HAPLN2: variants seen among roughly 807,000 people sequenced by gnomAD.
The protein encoded by HAPLN2 is brain link protein-1.
Under a neutral mutation model 29.3 loss-of-function variants are expected in HAPLN2, and 27 were observed. The ratio of observed to expected loss-of-function variants is 0.92; its 90% CI spans 0.68 to 1.27. The LOEUF (loss-of-function observed/expected upper bound fraction) is 1.27, where lower values mean the gene tolerates loss of function less well. Ranked by LOEUF, HAPLN2 falls within the 50% of genes most tolerant of loss-of-function variation. HAPLN2 has a pLI of 0.00. For missense variants in HAPLN2, 454 were observed against 484.3 expected, an observed-to-expected ratio of 0.94 and a Z score of 0.59; for synonymous variants, 208 against 211.7, an observed-to-expected ratio of 0.98 and a Z score of 0.15.
Position 156,625,173 on chromosome 1 carries a change from TGGTG to T in HAPLN2, c.814_817del (p.Val272ProfsTer15), listed in dbSNP as rs1678407196. ...GCGGCGTGCCGGCGACGCGGCGCCG[TGGTG>T]GCCAAGGTTGGGCACCTCTACGCCG... On this transcript the variant is annotated frameshift_variant, in exon 7 of 7. Transcript: ENST00000255039. LOFTEE classifies it low-confidence loss of function (END_TRUNC). This position sits in a 1 kb window ranked among gnomAD's most constrained non-coding sequence, Gnocchi z 5.7. The T allele has an allele frequency of 6.5e-7, 1 of 1,546,596 alleles. No individual in the cohort carries two copies.
chr1:156,611,964 T>A, the HAPLN2 span, among the ~76,000 whole-genome samples: 1 of 152,238 alleles, frequency 6.6e-6, no homozygotes, highest in Non-Finnish European at 1.5e-5. Flanking sequence ...TTGCAGAAAT[T>A]GGAAGAAAAC....
At chr1:156,617,862 T>C (rs1196966518), upstream of HAPLN2, among the ~76,000 whole-genome samples, 1 of 152,110 alleles carries the variant, frequency 6.6e-6, no homozygotes, top group East Asian at 1.9e-4. Context: ...TTCGGCATTG[T>C]TGGAAATGTT....
Position 156,625,408 on chromosome 1 carries a change from G to A in HAPLN2, c.*24G>A. On this transcript the variant is annotated 3_prime_UTR_variant, in exon 7 of 7. Transcript: ENST00000255039. This position sits in a 1 kb window ranked among gnomAD's most constrained non-coding sequence, Gnocchi z 5.7. Reference sequence around the variant, plus strand: ...AGGCGCCCACCGTGTCCCCTCCAGCGCGCGCGAAGAAGCTTGGGAGTCGTG... The same window carrying A: ...AGGCGCCCACCGTGTCCCCTCCAGCACGCGCGAAGAAGCTTGGGAGTCGTG... The A allele has an allele frequency of 6.4e-7, 1 of 1,554,244 alleles. No homozygotes were observed. The highest frequency in any genetic ancestry group is 8.7e-7 in the Non-Finnish European group (1 of 1,150,046).
intron 2 of HAPLN2, among the ~76,000 whole-genome samples, chr1:156,622,303 AT>A (rs1460955647): frequency 6.6e-6 from 1 of 152,010 alleles, no homozygotes; most frequent in Non-Finnish European, 1.5e-5. Context: ...AAAGAAAAAA[AT>A]TTAGTGGGGT....
At position 156,625,509 on chromosome 1, in the gene HAPLN2, T is replaced by C; in HGVS notation, c.*125T>C. 1.0e-6 allele frequency: 1 copy of C among 982,338 alleles called. No individual in the cohort carries two copies. Among genetic ancestry groups the C allele is most frequent in the Non-Finnish European group, 1.4e-6 (1 of 717,260 alleles). 60.9% of individuals were successfully genotyped at this position (982,338 alleles called of 1,614,324 possible). A position where few individuals can be genotyped will look rare whatever the true frequency, so the allele number is the denominator to read the frequency against. ...CCGGAGCGGCCTCTCCAGACCTGCC[T>C]TCCCAGCCGGGGGCTGCGGGCCTCG... On this transcript the variant is annotated 3_prime_UTR_variant, in exon 7 of 7. Coordinates refer to ENST00000255039, the MANE Select transcript of HAPLN2 (RefSeq NM_021817.3). This position sits in a 1 kb window ranked among gnomAD's most constrained non-coding sequence, Gnocchi z 5.7.
the HAPLN2 span, among the ~76,000 whole-genome samples, chr1:156,610,880 T>C: frequency 6.6e-6 from 1 of 152,170 alleles, no homozygotes; most frequent in South Asian, 2.1e-4. Context: ...CCTTTGATAG[T>C]GGTTGAATTA....
chr1:156,625,260 T>C lies in HAPLN2; in HGVS notation c.899T>C (p.Val300Ala). Residue 300 changes from valine (V) to alanine (A), a missense_variant, in exon 7 of 7, where the codon GTG becomes GCG. Physicochemically the swap from Val to Ala is moderately conservative, Grantham distance 64. Around this residue, in one of 3 missense-constraint regions of HAPLN2, gnomAD observed 235 missense variants for 236.9 expected, o/e 0.99. Coordinates refer to ENST00000255039, the MANE Select transcript of HAPLN2 (RefSeq NM_021817.3). The surrounding 1 kb of genome is among the most constrained non-coding windows in gnomAD (Gnocchi z 5.7). ...CDGGWLADGS[V>A]RFPITTPRPR... ...GGCGGCTGGCTGGCTGACGGCAGTG[T>C]GCGCTTCCCAATCACCACGCCGAGG... 1 of 1,575,562 alleles carries C rather than the reference T, an allele frequency of 6.3e-7. No individual in the cohort carries two copies. Among genetic ancestry groups the C allele is most frequent in the East Asian group, 2.4e-5 (1 of 42,540 alleles).
chr1:156,607,047 A>G, the HAPLN2 span, among the ~76,000 whole-genome samples: 1 of 152,086 alleles, frequency 6.6e-6, no homozygotes, highest in Middle Eastern at 3.4e-3. Context: ...TTTCTCCCCC[A>G]CTGCAAAATC....
Position 156,625,300 on chromosome 1 carries a change from G to GCT in HAPLN2, c.941_942dup (p.Pro315SerfsTer100), listed in dbSNP as rs1678414031. 1 of 1,582,330 alleles carries GCT rather than the reference G, an allele frequency of 6.3e-7. No homozygotes were observed. Among genetic ancestry groups the GCT allele is most frequent in the Non-Finnish European group, 8.6e-7 (1 of 1,165,212 alleles). On this transcript the variant is annotated frameshift_variant, in exon 7 of 7. Transcript: ENST00000255039. LOFTEE classifies it low-confidence loss of function (END_TRUNC). This position sits in a 1 kb window ranked among gnomAD's most constrained non-coding sequence, Gnocchi z 5.7. Reference sequence around the variant, plus strand: ...CCACGCCGAGGCCGCGCTGCGGGGGGCTCCCGGATCCCGGAGTGCGCAGTT... The same window carrying GCT: ...CCACGCCGAGGCCGCGCTGCGGGGGGCTCTCCCGGATCCCGGAGTGCGCAGTT...
At chr1:156,601,531 C>A in the HAPLN2 span, 29 of 1,444,980 alleles carry the variant, frequency 2.0e-5, no homozygotes, top group Non-Finnish European at 2.6e-5. Flanking sequence ...CCGCGGGAAC[C>A]AAAATCACGG....
chr1:156,609,410 G>A, the HAPLN2 span, among the ~76,000 whole-genome samples: 1 of 152,306 alleles, frequency 6.6e-6, no homozygotes, highest in East Asian at 1.9e-4. Flanking sequence ...TCTCTATGTG[G>A]TAGGATTAAG....
At chr1:156,620,362 AT>A (rs1678177368) in intron 2 of HAPLN2, among the ~76,000 whole-genome samples, 1 of 152,194 alleles carries the variant, frequency 6.6e-6, no homozygotes, top group African/African-American at 2.4e-5. Flanking sequence ...TGGTTTCAGC[AT>A]GTGTACAGTA....
chr1:156,609,237 C>T, the HAPLN2 span, among the ~76,000 whole-genome samples: 1 of 152,202 alleles, frequency 6.6e-6, no homozygotes, highest in Non-Finnish European at 1.5e-5. Flanking sequence ...GCTGCAGGGG[C>T]CCTCAGCACT....
chr1:156,624,862 ATC>A, intron 6 of HAPLN2, 79 bp downstream of exon 6: 1 of 1,418,068 alleles, frequency 7.1e-7, no homozygotes, highest in East Asian at 2.5e-5. Context: ...TCAGCTTGAG[ATC>A]AGGGCAGGGT....
rs762072620 is a variant in HAPLN2, at chr1:156,624,353, G to A, written c.442G>A (p.Val148Met). 1.1e-5 allele frequency: 17 copies of A among 1,601,278 alleles called. No homozygotes were observed. The South Asian group carries it at 1.9e-4, about 18-fold the overall frequency. ...SVALTLSLEGVVFPYQPSRGR... is the reference protein window; with the variant it reads ...SVALTLSLEGMVFPYQPSRGR... Reference sequence around the variant, plus strand: ...CCAGGATCCCCGCCACCCCCTAGGTGTGGTGTTTCCGTACCAACCCAGCCG... The same window carrying A: ...CCAGGATCCCCGCCACCCCCTAGGTATGGTGTTTCCGTACCAACCCAGCCG... The change falls in exon 5 of 7, where the codon GTG becomes ATG. Residue 148 changes from valine (V) to methionine (M), a missense_variant and splice_region_variant. Val to Met is a conservative substitution (Grantham distance 21). Coordinates refer to ENST00000255039, the MANE Select transcript of HAPLN2 (RefSeq NM_021817.3).
upstream of HAPLN2, among the ~76,000 whole-genome samples, chr1:156,618,319 A>T (rs1207165899): frequency 1.3e-4 from 20 of 150,340 alleles, no homozygotes; most frequent in Non-Finnish European, 2.2e-4. Flanking sequence ...AAAAAAAAAA[A>T]AAAAAAGTTA....
chr1:156,624,034 A>G lies in HAPLN2; in HGVS notation c.313A>G (p.Arg105Gly). The G allele has an allele frequency of 2.5e-6, 4 of 1,612,670 alleles. No individual in the cohort carries two copies. Among genetic ancestry groups the G allele is most frequent in the Non-Finnish European group, 3.4e-6 (4 of 1,179,568 alleles). ...CCTGGGAGGGCGCGCCAGGATGCGG[A>G]GGGGGCATCGACTAGACGCCTCCCT... ...GPLGGRARMRRGHRLDASLVI... is the reference protein window; with the variant it reads ...GPLGGRARMRGGHRLDASLVI... Residue 105 changes from arginine to glycine, a missense_variant, in exon 4 of 7, where the codon AGG becomes GGG. By Grantham distance (125) the Arg-to-Gly change is moderately radical. This residue lies in a region of HAPLN2 where 204 missense variants were observed against 209.2 expected (regional missense o/e 0.98). Transcript: ENST00000255039.
chr1:156,615,553 T>C (rs1678034896), upstream of HAPLN2, among the ~76,000 whole-genome samples: 1 of 141,152 alleles, frequency 7.1e-6, no homozygotes, highest in Non-Finnish European at 1.5e-5. Context: ...ACAGATCCCA[T>C]CTCACTCTCT....
chr1:156,624,557 G>A, intron 5 of HAPLN2, 44 bp from the exon 6 acceptor site: 1 of 1,604,436 alleles, frequency 6.2e-7, no homozygotes, highest in Non-Finnish European at 8.5e-7. Flanking sequence ...TCTGGCTCCT[G>A]CCTATGACGC....
Sources: allele counts gnomAD v4.1 joint callset (sites outside exome capture counted in the v4.1 genomes callset), GRCh38; gene constraint gnomAD v4.1.1; regional missense constraint gnomAD v4.1.1; non-coding constraint Gnocchi (gnomAD v3.1); transcripts MANE v1.5; gene names NCBI Gene and HGNC (gene_info 2026-07-23, HGNC 2026-07-21).